Variants in RNFT2 observed in about 807,000 individuals in gnomAD.
RNFT2 encodes the protein ring finger protein, transmembrane 2.
A neutral mutation model predicts 53.0 loss-of-function variants in RNFT2; 36 were observed. That is an observed-to-expected ratio of 0.68 (90% CI 0.52 to 0.90). The LOEUF (loss-of-function observed/expected upper bound fraction) is 0.90, where lower values mean the gene tolerates loss of function less well. Ranked by LOEUF, RNFT2 falls within the 40% of genes least tolerant of loss-of-function variation. The pLI, the probability that RNFT2 is intolerant of heterozygous loss-of-function variation, is 0.00. For missense variants in RNFT2, 514 were observed against 585.6 expected (o/e 0.88, Z 1.26); for synonymous variants, 260 against 253.2 (o/e 1.03, Z -0.26).
intron 6 of RNFT2, among the ~76,000 whole-genome samples, chr12:116,771,460 TAAAAAAAAAAAAAAAAAAA>T (rs35911608): frequency 1.6e-5 from 1 of 64,120 alleles, no homozygotes; most frequent in Middle Eastern, 0.01. Flanking sequence ...ATCCTATCGT[TAAAAAAAAAAAAAAAAAAA>T]AAAAAAAAAA....
chr12:116,764,551 C>A (rs925834851), intron 5 of RNFT2, among the ~76,000 whole-genome samples: 1 of 152,152 alleles, frequency 6.6e-6, no homozygotes. Flanking sequence ...TCCTTCCTGA[C>A]CCTTAGTCTC....
intron 5 of RNFT2, among the ~76,000 whole-genome samples, chr12:116,766,605 C>T (rs1321316143): frequency 6.6e-6 from 1 of 152,180 alleles, no homozygotes; most frequent in Non-Finnish European, 1.5e-5. Flanking sequence ...GATAGTTTTT[C>T]AAGCAGATGT....
At chr12:116,778,621 G>C (rs188928968) in intron 6 of RNFT2, among the ~76,000 whole-genome samples, 2 of 152,232 alleles carry the variant, frequency 1.3e-5, no homozygotes, top group South Asian at 2.1e-4. Context: ...AGGCTGAGGC[G>C]GGTGGATCAC....
At chr12:116,837,916 A>T (rs1325843899) in intron 10 of RNFT2, among the ~76,000 whole-genome samples, 1 of 152,210 alleles carries the variant, frequency 6.6e-6, no homozygotes, top group African/African-American at 2.4e-5. Flanking sequence ...ATTCCAAAAT[A>T]AAAAGTTTAC....
At chr12:116,849,067 T>C (rs1272742798) in intron 10 of RNFT2, among the ~76,000 whole-genome samples, 1 of 152,006 alleles carries the variant, frequency 6.6e-6, no homozygotes, top group Non-Finnish European at 1.5e-5. Context: ...GATCCGCCCA[T>C]CTCGGCCTCC....
intron 6 of RNFT2, among the ~76,000 whole-genome samples, chr12:116,770,425 A>G (rs1198064325): frequency 2.0e-5 from 3 of 151,560 alleles, no homozygotes; most frequent in Non-Finnish European, 4.4e-5. Context: ...CACAAGGACC[A>G]GGTCACCTAA....
chr12:116,789,933 GTGGA>G (rs113190899), intron 7 of RNFT2, among the ~76,000 whole-genome samples: 7 of 141,346 alleles, frequency 5.0e-5, no homozygotes, highest in African/African-American at 1.6e-4. Flanking sequence ...TGGGAGGAGA[GTGGA>G]TGGATGGATG....
chr12:116,746,476 A>G (rs1871899469), intron 3 of RNFT2, among the ~76,000 whole-genome samples: 2 of 152,212 alleles, frequency 1.3e-5, no homozygotes. Flanking sequence ...CAGTGAGAGC[A>G]AGGAGCAGGG....
At chr12:116,817,662 G>A (rs1387427707) in intron 7 of RNFT2, among the ~76,000 whole-genome samples, 1 of 152,200 alleles carries the variant, frequency 6.6e-6, no homozygotes, top group Admixed American at 6.5e-5. Flanking sequence ...GCTCTGAAAA[G>A]CACCACAGGG....
chr12:116,770,765 C>T (rs1384717953), intron 6 of RNFT2, among the ~76,000 whole-genome samples: 2 of 152,012 alleles, frequency 1.3e-5, no homozygotes, highest in African/African-American at 4.8e-5. Context: ...CTCCATGTTG[C>T]CCAGGCTGGT....
At chr12:116,814,710 G>A (rs1389761374) in intron 7 of RNFT2, among the ~76,000 whole-genome samples, 1 of 151,320 alleles carries the variant, frequency 6.6e-6, no homozygotes, top group African/African-American at 2.4e-5. Context: ...GTCTCACTCT[G>A]TTGCCCAGAC....
Position 116,743,213 on chromosome 12 carries a change from T to TAAAAAAAAAAAAAAAAAAAAAAAAAA in RNFT2, c.83+2125_83+2150dup, listed in dbSNP as rs762013507. Among the ~76,000 whole-genome samples the TAAAAAAAAAAAAAAAAAAAAAAAAAA allele has an allele frequency of 4.1e-3, 44 of 10,676 alleles. 15 individuals carry two copies. The highest frequency in any genetic ancestry group is 8.4e-3 in the East Asian group (3 of 358). 7.0% of individuals were successfully genotyped at this position (10,676 alleles called of 152,430 possible). A position where few individuals can be genotyped will look rare whatever the true frequency, so the allele number is the denominator to read the frequency against. ...TGATTAATAGATACCAGGTAGAATC[T>TAAAAAAAAAAAAAAAAAAAAAAAAAA]AAAAAAAAAAAAAAAAAAAAAAAAA... On this transcript the variant is annotated intron_variant, in intron 3 of 10. Coordinates refer to ENST00000257575, the MANE Select transcript of RNFT2 (RefSeq NM_001382266.1).
chr12:116,749,730 G>A lies in RNFT2; in HGVS notation c.84-111G>A, dbSNP rs1045654344. ...AAGGACTTCATGTGAATTTGAGGGG[G>A]ACACAGCTCAACCCATAACATAATT... On this transcript the variant is annotated intron_variant, in intron 3 of 10. Transcript: ENST00000257575. 6.3e-6 allele frequency: 6 copies of A among 950,756 alleles called. No homozygotes were observed. In the East Asian group the frequency reaches 1.1e-4, roughly 17 times the overall value. The allele number at this position is 950,756 out of a possible 1,614,324, so 58.9% of individuals were successfully genotyped here. A position where few individuals can be genotyped will look rare whatever the true frequency, so the allele number is the denominator to read the frequency against.
chr12:116,828,355 T>C (rs1292886957), intron 7 of RNFT2, among the ~76,000 whole-genome samples: 1 of 152,222 alleles, frequency 6.6e-6, no homozygotes, highest in Non-Finnish European at 1.5e-5. Flanking sequence ...TCCCAGGCGA[T>C]GCTGATGGTG....
Position 116,851,455 on chromosome 12 carries a change from G to A in RNFT2, c.*2007G>A. The A allele has an allele frequency of 2.5e-6, 1 of 404,852 alleles. No homozygotes were observed. 25.1% of individuals were successfully genotyped at this position (404,852 alleles called of 1,614,324 possible). Reference sequence around the variant, plus strand: ...GACACGGTCTTCTAAAAGCACACGAGAGGCCGGGTGTGGTGGCCCATGCCT... The same window carrying A: ...GACACGGTCTTCTAAAAGCACACGAAAGGCCGGGTGTGGTGGCCCATGCCT... On this transcript the variant is annotated 3_prime_UTR_variant, in exon 11 of 11. Coordinates refer to ENST00000257575, the MANE Select transcript of RNFT2 (RefSeq NM_001382266.1).
At chr12:116,813,843 C>A (rs982617863) in intron 7 of RNFT2, among the ~76,000 whole-genome samples, 3 of 152,212 alleles carry the variant, frequency 2.0e-5, no homozygotes, top group African/African-American at 7.2e-5. Context: ...CCAGCTCTTT[C>A]ACTTATAAGT....
At chr12:116,752,097 C>T (rs1041867795) in intron 4 of RNFT2, among the ~76,000 whole-genome samples, 3 of 152,112 alleles carry the variant, frequency 2.0e-5, no homozygotes, top group Middle Eastern at 3.4e-3. Context: ...TGCCTATAAT[C>T]CCAACACTTT....
intron 6 of RNFT2, among the ~76,000 whole-genome samples, chr12:116,775,454 C>G (rs1873392721): frequency 6.6e-6 from 1 of 152,142 alleles, no homozygotes. Context: ...GAGTCTTAGC[C>G]TTGGAGGCGA....
In RNFT2 at chr12:116,817,743, A is replaced by T. The variant is rs2137175431; in HGVS notation, c.883-16049A>T. Among the ~76,000 whole-genome samples the T allele has an allele frequency of 1.3e-5, 2 of 152,338 alleles. 1 individual carries two copies. The highest frequency in any genetic ancestry group is 2.9e-5 in the Non-Finnish European group (2 of 68,036). ...CCTAGAAAGTATGGAGTAAGACCAC[A>T]CTTTACACTCAAACAAACCTGAGTT... is the stretch of plus-strand genomic sequence containing the variant. On this transcript the variant is annotated intron_variant, in intron 7 of 10. Transcript: ENST00000257575.
Sources: gnomAD v4.1 joint callset for allele counts (sites outside exome capture counted in the v4.1 genomes callset) on GRCh38, gnomAD v4.1.1 for gene constraint, MANE v1.5 for transcripts, NCBI Gene and HGNC (gene_info 2026-07-23, HGNC 2026-07-21) for gene names.